SPOCK1: variants seen among roughly 807,000 people sequenced by gnomAD.
SPOCK1 encodes testican-1.
A neutral mutation model predicts 55.3 loss-of-function variants in SPOCK1; 23 were observed. The ratio of observed to expected loss-of-function variants is 0.42; its 90% CI spans 0.30 to 0.59. The LOEUF (loss-of-function observed/expected upper bound fraction) is 0.59. SPOCK1 is among the 20% of genes least tolerant of loss of function. The pLI is 0.22. For missense variants in SPOCK1, 499 were observed against 552.5 expected (o/e 0.90, Z 0.97); for synonymous variants, 226 against 221.0 (o/e 1.02, Z -0.20).
intron 6 of SPOCK1, among the ~76,000 whole-genome samples, chr5:137,001,226 T>C (rs1309702467): frequency 6.6e-6 from 1 of 152,168 alleles, no homozygotes; most frequent in Non-Finnish European, 1.5e-5. Context: ...AGGCTTGCCA[T>C]GTGGTAGCAC....
Position 136,985,030 on chromosome 5 carries a change from C to A in SPOCK1, c.991+110G>T, listed in dbSNP as rs1302310431. 6 of 1,135,636 alleles carry A rather than the reference C, an allele frequency of 5.3e-6. No individual in the cohort carries two copies. The East Asian group carries it at 1.4e-4, about 27-fold the overall frequency. The allele number at this position is 1,135,636 out of a possible 1,614,324, so 70.3% of individuals were successfully genotyped here. On this transcript the variant is annotated intron_variant, in intron 9 of 10. Transcript: ENST00000394945. Reference sequence around the variant, plus strand: ...TGCCTGGGGTTAAAACAAGGCATTTCTTTCATGAAACACTAGCCCTAATTG... The same window carrying A: ...TGCCTGGGGTTAAAACAAGGCATTTATTTCATGAAACACTAGCCCTAATTG...
intron 3 of SPOCK1, among the ~76,000 whole-genome samples, chr5:137,142,829 G>A (rs1035657513): frequency 1.3e-5 from 2 of 152,166 alleles, no homozygotes; most frequent in African/African-American, 4.8e-5. Context: ...CAGGAGACTG[G>A]TGCAGTCTCA....
intron 2 of SPOCK1, among the ~76,000 whole-genome samples, chr5:137,492,934 G>T (rs1032558005): frequency 1.3e-5 from 2 of 152,202 alleles, no homozygotes; most frequent in Admixed American, 6.5e-5. Flanking sequence ...TTCACACTGG[G>T]CACTGTCTTA....
At chr5:137,139,751 A>G (rs1279110429) in intron 4 of SPOCK1, among the ~76,000 whole-genome samples, 1 of 152,140 alleles carries the variant, frequency 6.6e-6, no homozygotes, top group Non-Finnish European at 1.5e-5. Context: ...AGTGCAGAAT[A>G]TGCACTGAAA....
At chr5:137,233,350 A>G (rs1179914883) in intron 3 of SPOCK1, among the ~76,000 whole-genome samples, 1 of 152,170 alleles carries the variant, frequency 6.6e-6, no homozygotes, top group Non-Finnish European at 1.5e-5. Flanking sequence ...CAGGCATTAG[A>G]TTCTCATAAG....
Position 137,452,757 on chromosome 5 carries a change from C to T in SPOCK1, c.186+45616G>A, listed in dbSNP as rs907381813. Among the ~76,000 whole-genome samples the T allele has an allele frequency of 6.6e-5, 10 of 152,306 alleles. 1 individual carries two copies. The highest frequency in any genetic ancestry group is 1.3e-4 in the Non-Finnish European group (9 of 68,022). ...GTTTCCCTTTTGCTTATGTGGCATC[C>T]TTGGCACATGGGCAGTTATCTATCC... On this transcript the variant is annotated intron_variant, in intron 2 of 10. Transcript: ENST00000394945.
chr5:137,264,621 T>C (rs532426210), intron 3 of SPOCK1, among the ~76,000 whole-genome samples: 8 of 152,288 alleles, frequency 5.3e-5, no homozygotes, highest in East Asian at 3.9e-4. Context: ...ATTTTAACTA[T>C]GTTTGATTCT....
intron 2 of SPOCK1, among the ~76,000 whole-genome samples, chr5:137,407,976 G>A (rs1752135813): frequency 6.6e-6 from 1 of 151,688 alleles, no homozygotes; most frequent in African/African-American, 2.4e-5. Context: ...TTGGCTCCAG[G>A]CACAAGGGCC....
chr5:137,342,937 A>T (rs989148102), intron 2 of SPOCK1, among the ~76,000 whole-genome samples: 2 of 152,268 alleles, frequency 1.3e-5, no homozygotes, highest in African/African-American at 2.4e-5. Flanking sequence ...ATCTCAGGAA[A>T]TGAGCTGAAC....
chr5:137,319,202 A>G (rs1170995736), intron 2 of SPOCK1, among the ~76,000 whole-genome samples: 3 of 152,246 alleles, frequency 2.0e-5, no homozygotes, highest in African/African-American at 4.8e-5. Context: ...GCTGCCTCTC[A>G]TCAGAGAACT....
chr5:137,485,843 T>A (rs1246290291), intron 2 of SPOCK1, among the ~76,000 whole-genome samples: 2 of 152,182 alleles, frequency 1.3e-5, no homozygotes, highest in Non-Finnish European at 2.9e-5. Flanking sequence ...ACCTATGGTG[T>A]TAGAAGTCAG....
intron 3 of SPOCK1, among the ~76,000 whole-genome samples, chr5:137,251,164 G>A (rs2916630): frequency 0.066 from 10,069 of 152,182 alleles, 1,046 homozygotes; most frequent in African/African-American, 0.23. Flanking sequence ...AGACCACACA[G>A]CTGTCTGAGG....
chr5:137,331,081 A>G (rs1758170827), intron 2 of SPOCK1, among the ~76,000 whole-genome samples: 2 of 152,180 alleles, frequency 1.3e-5, no homozygotes, highest in Non-Finnish European at 2.9e-5. Context: ...ATCCACTGTG[A>G]TTCCCAAGAG....
intron 6 of SPOCK1, among the ~76,000 whole-genome samples, chr5:136,999,888 GTTGGGGAACCAA>G (rs1217428175): frequency 1.3e-5 from 2 of 152,248 alleles, no homozygotes; most frequent in African/African-American, 4.8e-5. Flanking sequence ...GTAAACCTCT[GTTGGGGAACCAA>G]TTACTGGTAT....
intron 2 of SPOCK1, among the ~76,000 whole-genome samples, chr5:137,316,980 G>A (rs1757891310): frequency 6.6e-6 from 1 of 152,200 alleles, no homozygotes; most frequent in African/African-American, 2.4e-5. Context: ...GAATCCTTCT[G>A]AGGATTACTC....
intron 2 of SPOCK1, among the ~76,000 whole-genome samples, chr5:137,278,074 T>C (rs1371883602): frequency 2.6e-5 from 4 of 152,334 alleles, no homozygotes; most frequent in African/African-American, 7.2e-5. Flanking sequence ...CATGAAGTTT[T>C]CTTTAGCTGC....
In SPOCK1 at chr5:137,259,495, G is replaced by A. The variant is rs1175132702; in HGVS notation, c.232+7515C>T. ...CACATACTGGGGCCTGTTGGGGGAT[G>A]GGGAACTAGGGGAGGGATAGCATTA... On this transcript the variant is annotated intron_variant, in intron 3 of 10. Transcript: ENST00000394945. Among the ~76,000 whole-genome samples the A allele has an allele frequency of 3.9e-5, 6 of 152,170 alleles. No individual in the cohort carries two copies. The East Asian group carries it at 1.2e-3, about 29-fold the overall frequency.
intron 2 of SPOCK1, among the ~76,000 whole-genome samples, chr5:137,398,894 A>G (rs1316872875): frequency 2.6e-5 from 4 of 152,180 alleles, no homozygotes; most frequent in African/African-American, 9.7e-5. Flanking sequence ...GACTAACCCA[A>G]TAGGTATACA....
At chr5:137,357,984 A>G (rs544901963) in intron 2 of SPOCK1, among the ~76,000 whole-genome samples, 4 of 152,098 alleles carry the variant, frequency 2.6e-5, no homozygotes, top group Admixed American at 6.5e-5. Context: ...GACACAAATG[A>G]GAAAAAAAAA....
Sources: allele counts gnomAD v4.1 joint callset (sites outside exome capture counted in the v4.1 genomes callset), GRCh38; gene constraint gnomAD v4.1.1; transcripts MANE v1.5; gene names NCBI Gene and HGNC (gene_info 2026-07-23, HGNC 2026-07-21).